The following ZDHHC2 variants were observed in gnomAD, a reference collection of about 807,000 sequenced individuals.
The protein encoded by ZDHHC2 is palmitoyltransferase ZDHHC2.
Under a neutral mutation model 55.6 loss-of-function variants are expected in ZDHHC2, and 51 were observed. That is an observed-to-expected ratio of 0.92 (90% CI 0.73 to 1.16). The LOEUF is 1.16. Ranked by LOEUF, ZDHHC2 falls within the 50% of genes most tolerant of loss-of-function variation. ZDHHC2 has a pLI of 0.00. For missense variants in ZDHHC2, 491 were observed against 442.4 expected (o/e 1.11, Z -0.99); for synonymous variants, 199 against 152.9 (o/e 1.30, Z -2.22).
At chr8:17,210,170 T>C (rs183352178) in intron 9 of ZDHHC2, 112 bp downstream of exon 9, 2 of 1,278,222 alleles carry the variant, frequency 1.6e-6, no homozygotes, top group East Asian at 2.5e-5. Flanking sequence ...GTAGGAACTC[T>C]TATTTTTAAA....
Position 17,195,451 on chromosome 8 carries a change from ATATGT to A in ZDHHC2, c.253-49_253-45del. The A allele has an allele frequency of 2.6e-6, 4 of 1,553,088 alleles. 1 individual carries two copies. The highest frequency in any genetic ancestry group is 1.7e-6 in the Non-Finnish European group (2 of 1,144,424). ...TTTCCGGGTATGGTAGAGAAGACCA[ATATGT>A]TATAATTTCTTTGAAAATACTGATT... On this transcript the variant is annotated intron_variant, in intron 3 of 12. Transcript: ENST00000262096.
At chr8:17,196,280 C>T (rs901127723) in intron 4 of ZDHHC2, among the ~76,000 whole-genome samples, 13 of 151,984 alleles carry the variant, frequency 8.6e-5, no homozygotes, top group Non-Finnish European at 1.8e-4. Flanking sequence ...TTATGGTAGC[C>T]GCTAGCCCCA....
At chr8:17,171,000 C>T (rs954567935) in intron 1 of ZDHHC2, among the ~76,000 whole-genome samples, 1 of 152,132 alleles carries the variant, frequency 6.6e-6, no homozygotes, top group Non-Finnish European at 1.5e-5. Flanking sequence ...TGACATTCCC[C>T]TGGGTGGTAA....
chr8:17,204,423 T>C (rs1342618389), intron 6 of ZDHHC2, among the ~76,000 whole-genome samples: 1 of 152,268 alleles, frequency 6.6e-6, no homozygotes, highest in East Asian at 1.9e-4. Flanking sequence ...TTCTATTTAA[T>C]AGGTTCGTTA....
At chr8:17,173,522 T>A (rs532343095) in intron 1 of ZDHHC2, among the ~76,000 whole-genome samples, 5 of 150,496 alleles carry the variant, frequency 3.3e-5, no homozygotes, top group East Asian at 2.0e-4. Context: ...CAAAAAAAAA[T>A]AAAATTATAA....
chr8:17,188,290 A>G (rs183241584), intron 3 of ZDHHC2, among the ~76,000 whole-genome samples: 75 of 152,106 alleles, frequency 4.9e-4, no homozygotes, highest in Admixed American at 4.2e-3. Flanking sequence ...CTAAAAACCA[A>G]TGTAACGCCT....
chr8:17,171,547 C>G (rs1804852856), intron 1 of ZDHHC2, among the ~76,000 whole-genome samples: 1 of 152,148 alleles, frequency 6.6e-6, no homozygotes, highest in Non-Finnish European at 1.5e-5. Flanking sequence ...AAGACCGACA[C>G]ATTCCTAATG....
Position 17,219,816 on chromosome 8 carries a change from A to G in ZDHHC2, c.*35-440A>G, listed in dbSNP as rs143203992. Among the ~76,000 whole-genome samples the G allele has an allele frequency of 4.9e-4, 74 of 152,276 alleles. 2 individuals are homozygous for G. Among genetic ancestry groups the G allele is most frequent in the African/African-American group, 1.7e-3 (70 of 41,568 alleles). On this transcript the variant is annotated intron_variant, in intron 12 of 12. Coordinates refer to ENST00000262096, the MANE Select transcript of ZDHHC2 (RefSeq NM_016353.5). Reference sequence around the variant, plus strand: ...CAAAACAAAACAAAGCTGTGCTTCTATGCACATGAAGTTTCAAAATCATTT... The same window carrying G: ...CAAAACAAAACAAAGCTGTGCTTCTGTGCACATGAAGTTTCAAAATCATTT...
chr8:17,158,465 G>C (rs979954416), intron 1 of ZDHHC2, among the ~76,000 whole-genome samples: 1 of 152,240 alleles, frequency 6.6e-6, no homozygotes. Context: ...TGTCCATTAA[G>C]AGGAAGCATT....
intron 12 of ZDHHC2, among the ~76,000 whole-genome samples, chr8:17,218,100 A>C (rs1308454176): frequency 6.6e-6 from 1 of 152,164 alleles, no homozygotes; most frequent in Non-Finnish European, 1.5e-5. Flanking sequence ...TTGTCAGCAA[A>C]ATGCTGACCT....
chr8:17,199,682 T>A (rs1456529482), intron 6 of ZDHHC2, among the ~76,000 whole-genome samples: 1 of 147,366 alleles, frequency 6.8e-6, no homozygotes, highest in Non-Finnish European at 1.5e-5. Context: ...TTCTTCTTCT[T>A]CTTTTCTTCT....
chr8:17,210,129 A>G, intron 9 of ZDHHC2, 71 bp downstream of exon 9: 2 of 1,497,748 alleles, frequency 1.3e-6, no homozygotes, highest in Non-Finnish European at 1.8e-6. Context: ...TTTCAGGAAA[A>G]GCCTCTAGTT....
chr8:17,211,608 G>A (rs1484498520), intron 10 of ZDHHC2, among the ~76,000 whole-genome samples: 2 of 152,016 alleles, frequency 1.3e-5, no homozygotes, highest in African/African-American at 4.8e-5. Context: ...TCCTGCCTCT[G>A]CCCTTTTAAA....
intron 1 of ZDHHC2, among the ~76,000 whole-genome samples, chr8:17,166,298 C>T (rs1314658010): frequency 6.6e-6 from 1 of 152,132 alleles, no homozygotes; most frequent in Non-Finnish European, 1.5e-5. Context: ...CAGCAGAACT[C>T]ACAGACAGAT....
chr8:17,207,176 G>A (rs1392592776), intron 7 of ZDHHC2, among the ~76,000 whole-genome samples: 2 of 152,152 alleles, frequency 1.3e-5, no homozygotes, highest in Admixed American at 6.5e-5. Context: ...GGTCAGGGAC[G>A]ACAGGGTATT....
At chr8:17,209,705 T>G (rs1482824331) in intron 8 of ZDHHC2, among the ~76,000 whole-genome samples, 1 of 152,196 alleles carries the variant, frequency 6.6e-6, no homozygotes, top group Non-Finnish European at 1.5e-5. Flanking sequence ...ACATGTACTA[T>G]TATAATAAAA....
At chr8:17,210,195 G>T in intron 9 of ZDHHC2, 137 bp downstream of exon 9, 1 of 1,157,918 alleles carries the variant, frequency 8.6e-7, no homozygotes, top group South Asian at 1.7e-5. Flanking sequence ...ATTATTCTAT[G>T]ATTCACCATA....
intron 7 of ZDHHC2, among the ~76,000 whole-genome samples, chr8:17,206,135 A>G (rs1807092660): frequency 6.6e-6 from 1 of 151,914 alleles, no homozygotes; most frequent in Non-Finnish European, 1.5e-5. Flanking sequence ...GCTTTTTTCC[A>G]TTTTTGTGCT....
intron 1 of ZDHHC2, among the ~76,000 whole-genome samples, chr8:17,170,809 A>G (rs1259858558): frequency 6.6e-6 from 1 of 152,242 alleles, no homozygotes; most frequent in Non-Finnish European, 1.5e-5. Flanking sequence ...TATATTTTTT[A>G]AATGATGAAA....
Sources: allele counts gnomAD v4.1 joint callset (sites outside exome capture counted in the v4.1 genomes callset), GRCh38; gene constraint gnomAD v4.1.1; transcripts MANE v1.5; gene names NCBI Gene and HGNC (gene_info 2026-07-23, HGNC 2026-07-21).